EFNA5: variants seen among roughly 807,000 people sequenced by gnomAD.
The protein encoded by EFNA5 is ephrin-A5.
Under a neutral mutation model 22.9 loss-of-function variants are expected in EFNA5, and 5 were observed. The observed-to-expected ratio is 0.22, with a 90% confidence interval of 0.11 to 0.46. The LOEUF (loss-of-function observed/expected upper bound fraction) is 0.46, where lower values mean the gene tolerates loss of function less well. EFNA5 is among the 20% of genes least tolerant of loss of function. The pLI is 0.99. For synonymous variants in EFNA5, 113 were observed against 112.2 expected (o/e 1.01, Z -0.04); for missense variants, 237 against 293.3 (o/e 0.81, Z 1.40).
At chr5:107,458,875 T>A (rs945793434) in intron 1 of EFNA5, among the ~76,000 whole-genome samples, 13 of 152,170 alleles carry the variant, frequency 8.5e-5, no homozygotes, top group Non-Finnish European at 1.3e-4. Context: ...AGTCTTTTTT[T>A]ATTGAAAACT....
intron 1 of EFNA5, among the ~76,000 whole-genome samples, chr5:107,621,323 C>G (rs946926202): frequency 3.9e-5 from 6 of 152,164 alleles, no homozygotes; most frequent in African/African-American, 1.4e-4. Context: ...TGGCAAGAAT[C>G]CTTGCAACAG....
intron 1 of EFNA5, among the ~76,000 whole-genome samples, chr5:107,436,497 G>GA (rs1427595156): frequency 1.3e-5 from 2 of 152,194 alleles, no homozygotes; most frequent in African/African-American, 4.8e-5. Context: ...AGATTTTAAA[G>GA]AAATAGTTAA....
intron 1 of EFNA5, among the ~76,000 whole-genome samples, chr5:107,640,740 T>C (rs886913312): frequency 1.3e-5 from 2 of 152,154 alleles, no homozygotes; most frequent in Non-Finnish European, 2.9e-5. Flanking sequence ...GTATTACAGC[T>C]CTAAGCTACA....
chr5:107,543,790 T>G (rs909650804), intron 1 of EFNA5, among the ~76,000 whole-genome samples: 1 of 152,354 alleles, frequency 6.6e-6, no homozygotes, highest in Non-Finnish European at 1.5e-5. Flanking sequence ...ACCATAACTT[T>G]TATATCCTAA....
intron 1 of EFNA5, among the ~76,000 whole-genome samples, chr5:107,653,530 A>G (rs1215027352): frequency 3.9e-5 from 6 of 152,074 alleles, no homozygotes; most frequent in African/African-American, 1.4e-4. Context: ...CCCAGTCAAT[A>G]TTTACTTCAG....
chr5:107,589,660 CT>C lies in EFNA5; in HGVS notation c.125+80828del, dbSNP rs573914373. 1.8e-4 allele frequency among the ~76,000 whole-genome samples: 28 copies of C among 152,254 alleles called. No homozygotes were observed. In the East Asian group the frequency reaches 4.1e-3, roughly 22 times the overall value. ...ATGCGGAGTGAAAGAGGCCATTTATCTGTTTCTTTGTTATTTTATCATCATC... is the reference window on the plus strand; with the variant it reads ...ATGCGGAGTGAAAGAGGCCATTTATCGTTTCTTTGTTATTTTATCATCATC... On this transcript the variant is annotated intron_variant, in intron 1 of 4. Coordinates refer to ENST00000333274, the MANE Select transcript of EFNA5 (RefSeq NM_001962.3).
chr5:107,437,764 T>C (rs1207863006), intron 1 of EFNA5, among the ~76,000 whole-genome samples: 1 of 152,176 alleles, frequency 6.6e-6, no homozygotes, highest in African/African-American at 2.4e-5. Context: ...AAGCATCCAA[T>C]AATCTCTTCC....
intron 1 of EFNA5, among the ~76,000 whole-genome samples, chr5:107,560,084 C>A (rs1748503749): frequency 6.6e-6 from 1 of 152,178 alleles, no homozygotes; most frequent in South Asian, 2.1e-4. Flanking sequence ...ACTAGATTTA[C>A]TCTATTTTCT....
chr5:107,540,013 C>T (rs1748013043), intron 1 of EFNA5, among the ~76,000 whole-genome samples: 1 of 152,112 alleles, frequency 6.6e-6, no homozygotes, highest in African/African-American at 2.4e-5. Flanking sequence ...CACAGAAATG[C>T]TCATCAGCTT....
chr5:107,514,640 C>T (rs186799960), intron 1 of EFNA5, among the ~76,000 whole-genome samples: 2 of 152,208 alleles, frequency 1.3e-5, no homozygotes, highest in East Asian at 1.9e-4. Context: ...TGGAAATGTG[C>T]TAACCCTTTT....
chr5:107,438,866 T>C (rs2112433559), intron 1 of EFNA5, among the ~76,000 whole-genome samples: 1 of 152,326 alleles, frequency 6.6e-6, no homozygotes, highest in South Asian at 2.1e-4. Flanking sequence ...TATTCTTCAC[T>C]TGGCTTTATC....
At chr5:107,468,313 A>T (rs573449797) in intron 1 of EFNA5, among the ~76,000 whole-genome samples, 1 of 152,220 alleles carries the variant, frequency 6.6e-6, no homozygotes, top group South Asian at 2.1e-4. Flanking sequence ...AGTCACCCTT[A>T]GGCAGGAAAA....
chr5:107,542,910 C>T (rs897251040), intron 1 of EFNA5, among the ~76,000 whole-genome samples: 5 of 151,978 alleles, frequency 3.3e-5, no homozygotes, highest in East Asian at 3.9e-4. Context: ...TCTTTCTATC[C>T]GGAATCACTC....
At chr5:107,493,729 C>T (rs930121717) in intron 1 of EFNA5, among the ~76,000 whole-genome samples, 2 of 152,192 alleles carry the variant, frequency 1.3e-5, no homozygotes, top group Non-Finnish European at 2.9e-5. Context: ...GAGCTGTAGA[C>T]CCTTTTTTCT....
At chr5:107,448,831 C>CAATAAATAAATAAATA (rs57639319) in intron 1 of EFNA5, among the ~76,000 whole-genome samples, 48 of 128,130 alleles carry the variant, frequency 3.7e-4, no homozygotes, top group Non-Finnish European at 5.8e-4. Flanking sequence ...CTCTGTCTCA[C>CAATAAATAAATAAATA]AATAAATAAA....
At chr5:107,429,778 A>G (rs1748899590) in intron 1 of EFNA5, among the ~76,000 whole-genome samples, 1 of 152,250 alleles carries the variant, frequency 6.6e-6, no homozygotes, top group African/African-American at 2.4e-5. Flanking sequence ...AGGATATACC[A>G]AAGCATATTA....
rs776065349 is a variant in EFNA5, at chr5:107,377,722, AAG to A, written c.*3531_*3532del. 5 of 152,164 alleles carry A rather than the reference AAG, an allele frequency of 3.3e-5. No homozygotes were observed. The highest frequency in any genetic ancestry group is 7.3e-5 in the Non-Finnish European group (5 of 68,050). 9.4% of individuals were successfully genotyped at this position (152,164 alleles called of 1,614,324 possible). On this transcript the variant is annotated 3_prime_UTR_variant, in exon 5 of 5. Coordinates refer to ENST00000333274, the MANE Select transcript of EFNA5 (RefSeq NM_001962.3). ...GAGTGAGCTGCACATGATATTGATA[AAG>A]ACTCTTCCTGGGAAAAAATAAAACA... is the stretch of plus-strand genomic sequence containing the variant.
intron 2 of EFNA5, among the ~76,000 whole-genome samples, chr5:107,417,547 A>G (rs1321693612): frequency 6.6e-6 from 1 of 152,186 alleles, no homozygotes; most frequent in Non-Finnish European, 1.5e-5. Context: ...CATGAACTAA[A>G]ATAATGAATG....
intron 2 of EFNA5, among the ~76,000 whole-genome samples, chr5:107,414,080 C>T (rs963402752): frequency 2.0e-5 from 3 of 152,108 alleles, no homozygotes; most frequent in African/African-American, 2.4e-5. Flanking sequence ...CCAATGTTCT[C>T]GAAGTGTGGT....
Sources: allele counts gnomAD v4.1 joint callset (sites outside exome capture counted in the v4.1 genomes callset), GRCh38; gene constraint gnomAD v4.1.1; transcripts MANE v1.5; gene names NCBI Gene and HGNC (gene_info 2026-07-23, HGNC 2026-07-21).